DISC1: variants seen among roughly 807,000 people sequenced by gnomAD.
DISC1 encodes the protein DISC1 scaffold protein.
DISC1 carries 57 observed loss-of-function variants against 84.5 expected under a neutral mutation model. The observed-to-expected ratio is 0.67, with a 90% CI of 0.55 to 0.84. DISC1 has a LOEUF of 0.84. Among genes scored for constraint, DISC1 ranks in the 40% least tolerant of loss-of-function variants. The probability of loss-of-function intolerance (pLI) is 0.00; values close to 1 mark genes in which losing one functional copy is unlikely to be tolerated. For missense variants in DISC1, 1,000 were observed against 1,057.8 expected (o/e 0.95, Z 0.76); for synonymous variants, 411 against 415.2 (o/e 0.99, Z 0.12).
intron 3 of DISC1, among the ~76,000 whole-genome samples, chr1:231,704,663 G>A (rs1001820026): frequency 6.6e-6 from 1 of 150,908 alleles, no homozygotes; most frequent in African/African-American, 2.4e-5. Context: ...GGGAGGCTGA[G>A]GCAGGAGAAT....
intron 9 of DISC1, among the ~76,000 whole-genome samples, chr1:231,864,710 A>G (rs1018988922): frequency 9.2e-5 from 14 of 152,154 alleles, no homozygotes; most frequent in African/African-American, 3.1e-4. Flanking sequence ...GGAGGTGGAC[A>G]CCATTTTTTG....
At chr1:231,643,598 A>G (rs1572431307) in intron 1 of DISC1, among the ~76,000 whole-genome samples, 3 of 152,204 alleles carry the variant, frequency 2.0e-5, no homozygotes, top group African/African-American at 7.2e-5. Flanking sequence ...TAGGCGCTCA[A>G]TATTATTATT....
intron 10 of DISC1, among the ~76,000 whole-genome samples, chr1:232,000,980 A>G (rs962105607): frequency 9.2e-5 from 14 of 152,228 alleles, no homozygotes; most frequent in Admixed American, 9.2e-4. Flanking sequence ...AAAAGAGTAG[A>G]AACACAGTAG....
intron 9 of DISC1, among the ~76,000 whole-genome samples, chr1:231,953,516 C>A (rs149473678): frequency 6.6e-6 from 1 of 152,314 alleles, no homozygotes; most frequent in African/African-American, 2.4e-5. Flanking sequence ...AAGGTTCTTT[C>A]ATTCACTCGA....
chr1:231,993,216 A>G (rs1665461635), intron 10 of DISC1, among the ~76,000 whole-genome samples: 1 of 152,092 alleles, frequency 6.6e-6, no homozygotes, highest in Admixed American at 6.5e-5. Context: ...TTGTTCTGGG[A>G]AGAGTGAGAG....
chr1:231,834,682 T>TG (rs1325093839), intron 9 of DISC1, among the ~76,000 whole-genome samples: 1 of 141,374 alleles, frequency 7.1e-6, no homozygotes, highest in Non-Finnish European at 1.5e-5. Flanking sequence ...AAGGGGGCAA[T>TG]GGGGGGCAGA....
intron 9 of DISC1, among the ~76,000 whole-genome samples, chr1:231,883,079 C>A (rs557492300): frequency 6.6e-6 from 1 of 151,914 alleles, no homozygotes; most frequent in Non-Finnish European, 1.5e-5. Context: ...ATGAGACAGG[C>A]GCCCACTGCT....
chr1:231,779,635 C>T (rs1184946621), intron 6 of DISC1, among the ~76,000 whole-genome samples: 2 of 141,524 alleles, frequency 1.4e-5, no homozygotes, highest in Non-Finnish European at 3.0e-5. Context: ...TCTCAGCTCA[C>T]TGCAAGCTCC....
intron 9 of DISC1, among the ~76,000 whole-genome samples, chr1:231,907,023 CT>C (rs2088729722): frequency 1.4e-5 from 2 of 146,214 alleles, no homozygotes; most frequent in Non-Finnish European, 3.0e-5. Flanking sequence ...TCTTTTTCTT[CT>C]CTCTCTCTCT....
chr1:231,955,726 G>A (rs1207678281), intron 9 of DISC1, among the ~76,000 whole-genome samples: 2 of 152,026 alleles, frequency 1.3e-5, no homozygotes, highest in Admixed American at 6.5e-5. Flanking sequence ...CAGACCTCAG[G>A]TGATCCGCCC....
intron 9 of DISC1, among the ~76,000 whole-genome samples, chr1:231,842,898 C>T (rs1426085983): frequency 2.6e-5 from 4 of 152,008 alleles, no homozygotes; most frequent in Admixed American, 6.6e-5. Flanking sequence ...AGCGGGAGAC[C>T]CTGAGGCTTA....
intron 3 of DISC1, among the ~76,000 whole-genome samples, chr1:231,709,859 C>T (rs576461336): frequency 9.9e-5 from 15 of 152,216 alleles, no homozygotes; most frequent in South Asian, 4.1e-4. Context: ...TTGTAGAGTC[C>T]GGTTGATGAA....
intron 6 of DISC1, 63 bp downstream of exon 6, chr1:231,771,133 T>G (rs1305361443): frequency 6.7e-7 from 1 of 1,484,580 alleles, no homozygotes; most frequent in East Asian, 2.5e-5. Context: ...ATTGGAATGA[T>G]TTTGTCTGCT....
intron 8 of DISC1, among the ~76,000 whole-genome samples, chr1:231,813,033 G>A (rs1355731986): frequency 6.6e-6 from 1 of 152,056 alleles, no homozygotes; most frequent in African/African-American, 2.4e-5. Context: ...TTATCCCTCA[G>A]GATCAAAGAA....
Position 231,795,221 on chromosome 1 carries a change from TC to T in DISC1, c.1635-19del. On this transcript the variant is annotated intron_variant, in intron 6 of 12. Transcript: ENST00000439617. The stretch of plus-strand genomic sequence containing the variant: ...ATTGTGGTTACCAAGAAGACCAATC[TC>T]CTCTTTTTAATTCTTCCAGCCTCCA... 6.2e-7 allele frequency: 1 copy of T among 1,612,568 alleles called. No homozygotes were observed. The highest frequency in any genetic ancestry group is 8.5e-7 in the Non-Finnish European group (1 of 1,178,640).
At chr1:231,713,895 A>G (rs1242942209) in intron 3 of DISC1, among the ~76,000 whole-genome samples, 1 of 149,950 alleles carries the variant, frequency 6.7e-6, no homozygotes, top group East Asian at 1.9e-4. Flanking sequence ...TTGTTATTCA[A>G]CATTGCACTG....
At chr1:232,004,617 A>C (rs571105004) in intron 10 of DISC1, among the ~76,000 whole-genome samples, 1 of 152,334 alleles carries the variant, frequency 6.6e-6, no homozygotes, top group East Asian at 1.9e-4. Context: ...CCCGAGAAAG[A>C]AGCAAATAGG....
intron 9 of DISC1, among the ~76,000 whole-genome samples, chr1:231,939,438 T>C (rs1410932843): frequency 6.6e-6 from 1 of 152,222 alleles, no homozygotes; most frequent in Non-Finnish European, 1.5e-5. Flanking sequence ...TGTAATGAAC[T>C]AAGAAAGTGG....
chr1:231,652,157 C>T (rs1439680301), intron 1 of DISC1, among the ~76,000 whole-genome samples: 3 of 152,194 alleles, frequency 2.0e-5, no homozygotes, highest in Admixed American at 2.0e-4. Context: ...CAGAAATCAC[C>T]ATCTTCTGCA....
Sources: gnomAD v4.1 joint callset for allele counts (sites outside exome capture counted in the v4.1 genomes callset) on GRCh38, gnomAD v4.1.1 for gene constraint, MANE v1.5 for transcripts, NCBI Gene and HGNC (gene_info 2026-07-23, HGNC 2026-07-21) for gene names.